Variants in IRAK2 observed in about 807,000 individuals in gnomAD.
IRAK2 encodes interleukin-1 receptor-associated kinase-like 2.
Under a neutral mutation model 72.0 loss-of-function variants are expected in IRAK2, and 57 were observed. The observed-to-expected ratio is 0.79, with a 90% CI of 0.64 to 0.99. IRAK2 has a LOEUF of 0.99. Ranked by LOEUF, IRAK2 falls within the 50% of genes least tolerant of loss-of-function variation. IRAK2 has a pLI of 0.00. For missense variants in IRAK2, 790 were observed against 794.4 expected (o/e 0.99, Z 0.07); for synonymous variants, 293 against 312.7 (o/e 0.94, Z 0.67).
chr3:10,216,699 T>C (rs1245679935), intron 6 of IRAK2, among the ~76,000 whole-genome samples: 1 of 152,076 alleles, frequency 6.6e-6, no homozygotes, highest in Non-Finnish European at 1.5e-5. Flanking sequence ...ATGGGGCAGT[T>C]GAGATGTCAT....
intron 1 of IRAK2, among the ~76,000 whole-genome samples, chr3:10,168,462 C>T (rs1410264778): frequency 2.6e-5 from 4 of 152,050 alleles, no homozygotes; most frequent in South Asian, 2.1e-4. Flanking sequence ...CTGCCCGCCT[C>T]GGCCTCCCAA....
chr3:10,182,611 A>G (rs1696978183), intron 2 of IRAK2, among the ~76,000 whole-genome samples: 1 of 150,070 alleles, frequency 6.7e-6, no homozygotes, highest in African/African-American at 2.5e-5. Context: ...GGGTTTCGCC[A>G]TGTTGGCTAG....
Position 10,202,152 on chromosome 3 carries a change from A to G in IRAK2, c.424+1637A>G, listed in dbSNP as rs185074405. 4.6e-5 allele frequency among the ~76,000 whole-genome samples: 7 copies of G among 152,320 alleles called. No homozygotes were observed. In the East Asian group the frequency reaches 9.6e-4, roughly 21 times the overall value. ...TCTGGATTATTTCCTGTAGCTAAAT[A>G]TATGTATTTTTAAGTGTAGACTTTT... On this transcript the variant is annotated intron_variant, in intron 3 of 12. Transcript: ENST00000256458.
At chr3:10,222,603 A>C in intron 8 of IRAK2, 33 bp from the exon 9 acceptor site, 1 of 1,585,634 alleles carries the variant, frequency 6.3e-7, no homozygotes, top group Non-Finnish European at 8.7e-7. Context: ...CCAGCTCAAA[A>C]TGAGAAGGTT....
intron 1 of IRAK2, among the ~76,000 whole-genome samples, chr3:10,165,473 A>G (rs1307010553): frequency 2.0e-5 from 3 of 151,962 alleles, no homozygotes; most frequent in Non-Finnish European, 2.9e-5. Flanking sequence ...GTTTTAGTGT[A>G]TATTAGAAGG....
chr3:10,212,066 C>T (rs1359451125), intron 4 of IRAK2, among the ~76,000 whole-genome samples: 1 of 138,604 alleles, frequency 7.2e-6, no homozygotes, highest in Non-Finnish European at 1.5e-5. Context: ...GGTGACAGTA[C>T]GAGACTCTGT....
At chr3:10,231,211 T>C (rs960649497) in intron 10 of IRAK2, among the ~76,000 whole-genome samples, 1 of 152,206 alleles carries the variant, frequency 6.6e-6, no homozygotes, top group African/African-American at 2.4e-5. Flanking sequence ...AATAATATAA[T>C]CCAAACTATT....
chr3:10,224,537 C>T (rs1267806429), intron 9 of IRAK2, among the ~76,000 whole-genome samples: 1 of 146,442 alleles, frequency 6.8e-6, no homozygotes, highest in Non-Finnish European at 1.5e-5. Context: ...CTGCACCCTG[C>T]ACCTACCAAG....
In IRAK2 at chr3:10,213,253, C is replaced by T; in HGVS notation, c.575C>T (p.Ala192Val). 6.2e-7 allele frequency: 1 copy of T among 1,614,174 alleles called. No individual in the cohort carries two copies. Among genetic ancestry groups the T allele is most frequent in the Non-Finnish European group, 8.5e-7 (1 of 1,180,044 alleles). ...AAGCAGGAAAAACTTTTGAGCTTGG[C>T]TGGAGACAGCCTTTTCTGGAGTGAG... ...IPKQEKLLSL[A>V]GDSLFWSEAD... The change falls in exon 5 of 13, where the codon GCT (alanine) becomes GTT (valine). Residue 192 changes from alanine to valine, a missense_variant. Coordinates refer to ENST00000256458, the MANE Select transcript of IRAK2 (RefSeq NM_001570.4).
chr3:10,205,088 A>G lies in IRAK2; in HGVS notation c.425-4501A>G, dbSNP rs1453948839. On this transcript the variant is annotated intron_variant, in intron 3 of 12. Transcript: ENST00000256458. ...CTCCATGTCCCCATCAGCTGGCTTC[A>G]GTAATGATCCACCCATGGCCAACTT... Among the ~76,000 whole-genome samples, 3 of 152,228 alleles carry G rather than the reference A, an allele frequency of 2.0e-5. No homozygotes were observed. The East Asian group carries it at 5.8e-4, about 29-fold the overall frequency.
chr3:10,165,453 G>T (rs1052249839), intron 1 of IRAK2, among the ~76,000 whole-genome samples: 2 of 151,372 alleles, frequency 1.3e-5, no homozygotes, highest in African/African-American at 4.9e-5. Context: ...GTGTGTGTGT[G>T]GTGTGTTTAG....
Position 10,242,309 on chromosome 3 carries a change from C to A in IRAK2, c.*81C>A. 1 of 738,490 alleles carries A rather than the reference C, an allele frequency of 1.4e-6. No individual in the cohort carries two copies. The highest frequency in any genetic ancestry group is 2.3e-6 in the Non-Finnish European group (1 of 443,212). 45.7% of individuals were successfully genotyped at this position (738,490 alleles called of 1,614,324 possible). A position where few individuals can be genotyped will look rare whatever the true frequency, so the allele number is the denominator to read the frequency against. Reference sequence around the variant, plus strand: ...CAAGAAAAAGGTCTGAGGCAGAATCCAAGATCTGCCAGGAAACACACAACA... The same window carrying A: ...CAAGAAAAAGGTCTGAGGCAGAATCAAAGATCTGCCAGGAAACACACAACA... On this transcript the variant is annotated 3_prime_UTR_variant, in exon 13 of 13. Coordinates refer to ENST00000256458, the MANE Select transcript of IRAK2 (RefSeq NM_001570.4).
chr3:10,223,135 G>T (rs1420162120), intron 9 of IRAK2, among the ~76,000 whole-genome samples: 1 of 152,164 alleles, frequency 6.6e-6, no homozygotes, highest in African/African-American at 2.4e-5. Flanking sequence ...GAAGAAATTT[G>T]CCAGCCCTTG....
At chr3:10,166,386 C>A (rs9873149) in intron 1 of IRAK2, among the ~76,000 whole-genome samples, 2,331 of 152,264 alleles carry the variant, frequency 0.015, 56 homozygotes, top group African/African-American at 0.053. Context: ...GGATGACTGG[C>A]GGAGAGGGCC....
In IRAK2 at chr3:10,209,614, G is replaced by A. The variant is rs1446037054; in HGVS notation, c.450G>A (p.Gln150=). The change falls in exon 4 of 13, where the codon CAG becomes CAA. Residue 150 remains glutamine, a synonymous_variant. Transcript: ENST00000256458. Reference sequence around the variant, plus strand: ...GGTCCTCTCCAGCCAGAGCCCACCAGCCGGCCTTTCTCCAGCCTCCTGAAG... The same window carrying A: ...GGTCCTCTCCAGCCAGAGCCCACCAACCGGCCTTTCTCCAGCCTCCTGAAG... ...GPGSSPARAH[Q]PAFLQPPEED... is the part of the protein sequence containing the mutation. 2 of 1,567,356 alleles carry A rather than the reference G, an allele frequency of 1.3e-6. No individual in the cohort carries two copies. The highest frequency in any genetic ancestry group is 1.7e-6 in the Non-Finnish European group (2 of 1,159,260).
chr3:10,220,869 C>T (rs1412298472), intron 8 of IRAK2, among the ~76,000 whole-genome samples: 2 of 152,100 alleles, frequency 1.3e-5, no homozygotes, highest in Non-Finnish European at 2.9e-5. Context: ...TTTCTTTTTT[C>T]ACTTCCTGCC....
intron 6 of IRAK2, among the ~76,000 whole-genome samples, chr3:10,216,462 G>A (rs1336620970): frequency 2.0e-5 from 3 of 152,156 alleles, no homozygotes; most frequent in African/African-American, 4.8e-5. Flanking sequence ...CTGGCAGAAA[G>A]AGGAAGGCAA....
chr3:10,242,141 GATCA>G lies in IRAK2; in HGVS notation c.1794_1797del (p.Ile598MetfsTer7). 6.2e-7 allele frequency: 1 copy of G among 1,612,734 alleles called. No homozygotes were observed. Among genetic ancestry groups the G allele is most frequent in the Non-Finnish European group, 8.5e-7 (1 of 1,179,070 alleles). ...TTACAGAAACTTCGTGGCAAATTGA[GATCA>G]ATGAGGCCAAAAGGAAACTGATGGA... is the stretch of plus-strand genomic sequence containing the variant. On this transcript the variant is annotated frameshift_variant, in exon 13 of 13. Coordinates refer to ENST00000256458, the MANE Select transcript of IRAK2 (RefSeq NM_001570.4). LOFTEE classifies it high-confidence loss of function.
chr3:10,199,678 A>G (rs1324253503), intron 2 of IRAK2, among the ~76,000 whole-genome samples: 3 of 151,980 alleles, frequency 2.0e-5, no homozygotes, highest in African/African-American at 7.3e-5. Flanking sequence ...GCCCATTCCC[A>G]TCTCTACTCT....
Sources: allele counts gnomAD v4.1 joint callset (sites outside exome capture counted in the v4.1 genomes callset), GRCh38; gene constraint gnomAD v4.1.1; transcripts MANE v1.5; gene names NCBI Gene and HGNC (gene_info 2026-07-23, HGNC 2026-07-21).